SHROOM4: variants seen among roughly 807,000 people sequenced by gnomAD.
SHROOM4 encodes shroom family member 4, also known as protein Shroom4.
Under a neutral mutation model 80.3 loss-of-function variants are expected in SHROOM4, and 17 were observed. That is an observed-to-expected ratio of 0.21 (90% CI 0.14 to 0.32). The LOEUF (loss-of-function observed/expected upper bound fraction) is 0.32. Ranked by LOEUF, SHROOM4 falls within the 10% of genes least tolerant of loss-of-function variation. The pLI is 1.00. For synonymous variants in SHROOM4, 400 were observed against 437.5 expected, an observed-to-expected ratio of 0.91 and a Z score of 1.07; for missense variants, 993 against 1,140.3, an observed-to-expected ratio of 0.87 and a Z score of 1.86.
chrX:50,704,177 C>T (rs1444191613), intron 1 of SHROOM4, among the ~76,000 whole-genome samples: 1 of 111,811 alleles, frequency 8.9e-6, no homozygotes, highest in African/African-American at 3.3e-5. Flanking sequence ...AAAAGACCAA[C>T]AGTCTTTTAC....
intron 1 of SHROOM4, among the ~76,000 whole-genome samples, chrX:50,786,342 A>G (rs1235755233): frequency 8.9e-6 from 1 of 112,030 alleles, no homozygotes; most frequent in Non-Finnish European, 1.9e-5. Flanking sequence ...AGCAGTTGCT[A>G]TAACCCCTCT....
Position 50,772,008 on chromosome X carries a change from A to ATGTGTG in SHROOM4, c.117+41888_117+41893dup, listed in dbSNP as rs10581172. Among the ~76,000 whole-genome samples the ATGTGTG allele has an allele frequency of 3.7e-3, 382 of 103,086 alleles. 4 individuals are homozygous for ATGTGTG. Among genetic ancestry groups the ATGTGTG allele is most frequent in the African/African-American group, 0.013 (359 of 28,158 alleles). The allele number at this position is 103,086 out of a possible 115,157, so 89.5% of individuals were successfully genotyped here. On this transcript the variant is annotated intron_variant, in intron 1 of 8. Coordinates refer to ENST00000376020, the MANE Select transcript of SHROOM4 (RefSeq NM_020717.5). ...TACATATAATATGACCTTGTTTTTT[A>ATGTGTG]TGTGTGTGTGTGTGTGTGTGTGTGT...
chrX:50,728,493 C>T (rs1287093055), intron 1 of SHROOM4, among the ~76,000 whole-genome samples: 2 of 112,595 alleles, frequency 1.8e-5, no homozygotes, highest in East Asian at 2.8e-4. Context: ...AGAAGGAAGG[C>T]AGACTTGAAA....
intron 2 of SHROOM4, among the ~76,000 whole-genome samples, chrX:50,655,917 C>A (rs1932292052): frequency 9.0e-6 from 1 of 111,388 alleles, no homozygotes; most frequent in Non-Finnish European, 1.9e-5. Context: ...TTCACACCCT[C>A]ACCAACACTT....
At position 50,775,419 on chromosome X, in the gene SHROOM4, A is replaced by C. The variant is rs782358778; in HGVS notation, c.117+38483T>G. ...CAAAGATCATACTCAGGAGCGAAGA[A>C]TCCTAGGCATGAATACAAAGAGGGA... is the stretch of plus-strand genomic sequence containing the variant. On this transcript the variant is annotated intron_variant, in intron 1 of 8. Coordinates refer to ENST00000376020, the MANE Select transcript of SHROOM4 (RefSeq NM_020717.5). Among the ~76,000 whole-genome samples the C allele has an allele frequency of 1.2e-4, 13 of 111,550 alleles. No individual in the cohort carries two copies. In the East Asian group the frequency reaches 3.4e-3, roughly 29 times the overall value.
intron 7 of SHROOM4, among the ~76,000 whole-genome samples, chrX:50,601,183 G>C (rs1427063979): frequency 1.8e-5 from 2 of 111,940 alleles, no homozygotes; most frequent in Non-Finnish European, 3.8e-5. Context: ...CTTCCTCAGA[G>C]ACAAAAACTG....
intron 2 of SHROOM4, among the ~76,000 whole-genome samples, chrX:50,668,030 G>A (rs1932744230): frequency 8.9e-6 from 1 of 111,843 alleles, no homozygotes; most frequent in Non-Finnish European, 1.9e-5. Flanking sequence ...GGCTGAGTGG[G>A]GAGCCTAGAC....
chrX:50,771,390 A>T (rs1360977878), intron 1 of SHROOM4, among the ~76,000 whole-genome samples: 1 of 112,480 alleles, frequency 8.9e-6, no homozygotes, highest in South Asian at 3.7e-4. Flanking sequence ...CAATTGTTTA[A>T]TTTCAAGATT....
At chrX:50,710,463 T>C (rs1321992420) in intron 1 of SHROOM4, among the ~76,000 whole-genome samples, 1 of 110,572 alleles carries the variant, frequency 9.0e-6, no homozygotes, top group African/African-American at 3.3e-5. Flanking sequence ...AGCTAAACAA[T>C]AGGTACTCAT....
chrX:50,759,456 T>C (rs1557268670), intron 1 of SHROOM4, among the ~76,000 whole-genome samples: 1 of 112,204 alleles, frequency 8.9e-6, no homozygotes, highest in Non-Finnish European at 1.9e-5. Context: ...TAATTTGTTA[T>C]GGCAGTGCTA....
At chrX:50,662,957 T>A (rs375479402) in intron 2 of SHROOM4, among the ~76,000 whole-genome samples, 33 of 111,466 alleles carry the variant, frequency 3.0e-4, no homozygotes, top group African/African-American at 1.1e-3. Flanking sequence ...ATGTCTAAGA[T>A]GTTTGGCTGT....
chrX:50,576,535 G>A, the SHROOM4 span, among the ~76,000 whole-genome samples: 1 of 111,416 alleles, frequency 9.0e-6, no homozygotes, highest in African/African-American at 3.3e-5. Flanking sequence ...CTCTTGTCTG[G>A]ATCAAAGTCC....
At chrX:50,695,739 A>C in intron 2 of SHROOM4, 47 bp downstream of exon 2, 1 of 1,190,807 alleles carries the variant, frequency 8.4e-7, no homozygotes. Flanking sequence ...TTACCAACCA[A>C]GTTTCAGTGG....
At chrX:50,786,019 T>G (rs1045539337) in intron 1 of SHROOM4, among the ~76,000 whole-genome samples, 67 of 111,577 alleles carry the variant, frequency 6.0e-4, no homozygotes, top group Non-Finnish European at 1.0e-3. Flanking sequence ...ACAAATTCCC[T>G]TTTTGAAAAA....
chrX:50,738,863 A>G (rs375963862), intron 1 of SHROOM4, among the ~76,000 whole-genome samples: 3 of 111,684 alleles, frequency 2.7e-5, no homozygotes, highest in Non-Finnish European at 5.6e-5. Context: ...AAAAGAGCCC[A>G]CATTGCCAAG....
chrX:50,649,327 G>C (rs1268133010), intron 2 of SHROOM4, among the ~76,000 whole-genome samples: 2 of 112,022 alleles, frequency 1.8e-5, no homozygotes, highest in African/African-American at 6.5e-5. Context: ...ATGGACATGT[G>C]GTCACTATCC....
At chrX:50,627,978 A>T (rs1420971659) in intron 4 of SHROOM4, among the ~76,000 whole-genome samples, 1 of 112,006 alleles carries the variant, frequency 8.9e-6, no homozygotes, top group Admixed American at 9.4e-5. Flanking sequence ...CCAGTTTAGT[A>T]TGTTTGCTGT....
chrX:50,620,595 AG>A (rs1390196162), intron 5 of SHROOM4, among the ~76,000 whole-genome samples: 1 of 112,256 alleles, frequency 8.9e-6, no homozygotes, highest in African/African-American at 3.2e-5. Context: ...ATTGCCCTCT[AG>A]GAAGACTAAA....
intron 1 of SHROOM4, among the ~76,000 whole-genome samples, chrX:50,712,910 T>A (rs781851823): frequency 9.0e-6 from 1 of 111,467 alleles, no homozygotes; most frequent in East Asian, 2.8e-4. Context: ...TGAAACAGTC[T>A]GCTTTTCAAG....
Sources: allele counts gnomAD v4.1 joint callset (sites outside exome capture counted in the v4.1 genomes callset), GRCh38; gene constraint gnomAD v4.1.1; transcripts MANE v1.5; gene names NCBI Gene and HGNC (gene_info 2026-07-23, HGNC 2026-07-21).